Variants in HNMT observed in about 807,000 individuals in gnomAD.
HNMT encodes histamine N-methyltransferase.
Under a neutral mutation model 32.1 loss-of-function variants are expected in HNMT, and 30 were observed. The observed-to-expected ratio is 0.93, with a 90% CI of 0.70 to 1.27. The LOEUF (loss-of-function observed/expected upper bound fraction) is 1.27. HNMT is among the 50% of genes most tolerant of loss of function. The pLI is 0.00. For missense variants in HNMT, 327 were observed against 346.0 expected (o/e 0.95, Z 0.43); for synonymous variants, 125 against 119.0 (o/e 1.05, Z -0.33).
chr2:137,975,086 T>A (rs1006867519), intron 2 of HNMT, among the ~76,000 whole-genome samples: 1 of 152,214 alleles, frequency 6.6e-6, no homozygotes, highest in Non-Finnish European at 1.5e-5. Context: ...ACAGATTTAA[T>A]AGTTAATTCT....
chr2:137,982,735 C>T (rs1680539938), intron 2 of HNMT, among the ~76,000 whole-genome samples: 1 of 152,168 alleles, frequency 6.6e-6, no homozygotes, highest in South Asian at 2.1e-4. Context: ...AAAATTTGCT[C>T]ATCGATATTG....
rs1201572481 is a variant in HNMT at position 137,964,500 on chromosome 2, T to C, written c.9T>C (p.Ser3=). The part of the protein sequence containing the change: MA[S]SMRSLFSDHG... ...TTCTCAGAAAACCAAATATGGCATC[T>C]TCCATGAGGAGCTTGTTTTCTGACC... is the stretch of plus-strand genomic sequence containing the variant. The change falls in exon 1 of 6, where the codon TCT becomes TCC. Residue 3 remains serine, a synonymous_variant. Coordinates refer to ENST00000280097, the MANE Select transcript of HNMT (RefSeq NM_006895.3). 3 of 1,612,794 alleles carry C rather than the reference T, an allele frequency of 1.9e-6. No homozygotes were observed. The African/African-American group carries it at 4.0e-5, about 22-fold the overall frequency.
chr2:137,967,120 T>C (rs373163908), intron 1 of HNMT: 2 of 780,036 alleles, frequency 2.6e-6, no homozygotes, highest in African/African-American at 1.7e-5. Context: ...TGTTAACAAA[T>C]AAAATACTGG....
intron 5 of HNMT, among the ~76,000 whole-genome samples, chr2:138,010,241 G>A (rs1331500858): frequency 6.6e-6 from 1 of 151,900 alleles, no homozygotes; most frequent in Admixed American, 6.6e-5. Flanking sequence ...TAGTAAATAT[G>A]TTTTAATTGA....
At chr2:137,965,235 C>G (rs1430430705) in intron 1 of HNMT, among the ~76,000 whole-genome samples, 3 of 151,950 alleles carry the variant, frequency 2.0e-5, no homozygotes, top group Non-Finnish European at 2.9e-5. Context: ...ATCCTTCTTG[C>G]AGAGTTCTTT....
intron 1 of HNMT, 35 bp from the exon 2 acceptor site, chr2:137,970,130 C>T (rs773915550): frequency 4.3e-5 from 51 of 1,190,106 alleles, no homozygotes; most frequent in Middle Eastern, 3.9e-4. Context: ...GCACCTAACA[C>T]ATTTTTCTAA....
intron 2 of HNMT, among the ~76,000 whole-genome samples, chr2:137,977,986 G>C (rs184391060): frequency 6.6e-6 from 1 of 152,142 alleles, no homozygotes; most frequent in Non-Finnish European, 1.5e-5. Flanking sequence ...AGGGCTGCTA[G>C]GACTGTGCTA....
intron 2 of HNMT, among the ~76,000 whole-genome samples, chr2:137,975,688 T>C (rs1345501594): frequency 6.6e-6 from 1 of 152,158 alleles, no homozygotes; most frequent in Non-Finnish European, 1.5e-5. Flanking sequence ...ATGAATGTAA[T>C]TCAAGTAGGA....
chr2:138,008,642 C>T (rs1334223516), intron 5 of HNMT, among the ~76,000 whole-genome samples: 3 of 152,020 alleles, frequency 2.0e-5, no homozygotes, highest in African/African-American at 7.2e-5. Context: ...ACCATCTGAT[C>T]TTTGACAAAG....
At chr2:138,009,338 G>A (rs1352734109) in intron 5 of HNMT, among the ~76,000 whole-genome samples, 1 of 152,002 alleles carries the variant, frequency 6.6e-6, no homozygotes, top group African/African-American at 2.4e-5. Flanking sequence ...AAGCAGTATG[G>A]CAATTTCTTA....
At chr2:138,009,284 C>T (rs1198390642) in intron 5 of HNMT, among the ~76,000 whole-genome samples, 2 of 151,978 alleles carry the variant, frequency 1.3e-5, no homozygotes, top group Non-Finnish European at 2.9e-5. Flanking sequence ...AAAAGGAACA[C>T]ATACATTGTT....
At chr2:137,986,253 T>C (rs73961909) in intron 2 of HNMT, among the ~76,000 whole-genome samples, 1,511 of 150,010 alleles carry the variant, frequency 0.01, 28 homozygotes, top group African/African-American at 0.035. Context: ...ATATATATAA[T>C]ATAAATACAA....
At chr2:137,990,520 G>T (rs186780824) in intron 2 of HNMT, among the ~76,000 whole-genome samples, 1 of 151,916 alleles carries the variant, frequency 6.6e-6, no homozygotes. Flanking sequence ...AGATAGTGTC[G>T]GTTCTCCAAC....
At chr2:138,011,186 G>A (rs1281829061) in intron 5 of HNMT, among the ~76,000 whole-genome samples, 3 of 151,804 alleles carry the variant, frequency 2.0e-5, no homozygotes, top group Non-Finnish European at 4.4e-5. Context: ...TTAGTGTTTG[G>A]TTCTTTTTTC....
chr2:137,970,550 A>C (rs1195488630), intron 2 of HNMT, among the ~76,000 whole-genome samples: 2 of 152,332 alleles, frequency 1.3e-5, no homozygotes, highest in Admixed American at 6.5e-5. Flanking sequence ...AAGCTTCTTA[A>C]GTTTGTGCCA....
intron 1 of HNMT, among the ~76,000 whole-genome samples, chr2:137,965,874 T>C (rs1188555331): frequency 6.6e-6 from 1 of 152,202 alleles, no homozygotes; most frequent in Non-Finnish European, 1.5e-5. Flanking sequence ...GGAGATAACA[T>C]AATCGATGAT....
chr2:137,969,205 C>T (rs1680050045), intron 1 of HNMT, among the ~76,000 whole-genome samples: 3 of 152,260 alleles, frequency 2.0e-5, no homozygotes, highest in South Asian at 2.1e-4. Flanking sequence ...TCTCTGTCTT[C>T]TTTGTATATT....
chr2:137,989,101 A>AGTTTACTTTAGG (rs1174561654), intron 2 of HNMT, among the ~76,000 whole-genome samples: 1 of 152,130 alleles, frequency 6.6e-6, no homozygotes, highest in African/African-American at 2.4e-5. Context: ...AGAAGCTCAT[A>AGTTTACTTTAGG]GTTTACTTTA....
At chr2:138,007,391 A>T (rs1681361321) in intron 5 of HNMT, among the ~76,000 whole-genome samples, 1 of 152,022 alleles carries the variant, frequency 6.6e-6, no homozygotes. Context: ...GCAGTGAAAA[A>T]TAATTCTACC....
Sources: allele counts gnomAD v4.1 joint callset (sites outside exome capture counted in the v4.1 genomes callset), GRCh38; gene constraint gnomAD v4.1.1; transcripts MANE v1.5; gene names NCBI Gene and HGNC (gene_info 2026-07-23, HGNC 2026-07-21).